Variants in TAFA1 observed in about 807,000 individuals in gnomAD.
The protein encoded by TAFA1 is TAFA chemokine like family member 1, also known as chemokine-like protein TAFA-1.
A neutral mutation model predicts 18.5 loss-of-function variants in TAFA1; 4 were observed. The observed-to-expected ratio is 0.22, with a 90% CI of 0.11 to 0.49. TAFA1 has a LOEUF of 0.49. Among genes scored for constraint, TAFA1 ranks in the 20% least tolerant of loss-of-function variants. The pLI, the probability that TAFA1 is intolerant of heterozygous loss-of-function variation, is 0.98. For synonymous variants in TAFA1, 56 were observed against 55.2 expected, an observed-to-expected ratio of 1.01 and a Z score of -0.06; for missense variants, 147 against 169.0, an observed-to-expected ratio of 0.87 and a Z score of 0.72.
intron 2 of TAFA1, among the ~76,000 whole-genome samples, chr3:68,268,191 A>G (rs2067585557): frequency 6.6e-6 from 1 of 152,172 alleles, no homozygotes; most frequent in Non-Finnish European, 1.5e-5. Flanking sequence ...AGTCCTCCTT[A>G]TTCTGAAAGG....
chr3:68,414,371 G>A (rs922721278), intron 2 of TAFA1, among the ~76,000 whole-genome samples: 8 of 152,070 alleles, frequency 5.3e-5, no homozygotes, highest in South Asian at 4.1e-4. Flanking sequence ...GGGGCGGCTC[G>A]GATATTTAAC....
chr3:68,367,388 A>C (rs1158689457), intron 2 of TAFA1, among the ~76,000 whole-genome samples: 1 of 152,192 alleles, frequency 6.6e-6, no homozygotes, highest in East Asian at 1.9e-4. Flanking sequence ...TGCAGTGGTG[A>C]GATTTAATGG....
At chr3:68,017,618 C>A (rs1443485281) in intron 2 of TAFA1, among the ~76,000 whole-genome samples, 1 of 152,074 alleles carries the variant, frequency 6.6e-6, no homozygotes, top group Admixed American at 6.6e-5. Context: ...AAGTTTTTTT[C>A]ATTAAAAAAG....
chr3:68,437,312 G>T (rs184074536), intron 3 of TAFA1, among the ~76,000 whole-genome samples: 31 of 152,168 alleles, frequency 2.0e-4, no homozygotes, highest in African/African-American at 7.5e-4. Context: ...ATATGTCCAG[G>T]TCTACATAAA....
At position 68,141,134 on chromosome 3, in the gene TAFA1, T is replaced by C. The variant is rs189384031; in HGVS notation, c.118+134390T>C. Among the ~76,000 whole-genome samples the C allele has an allele frequency of 9.0e-4, 137 of 152,282 alleles. 1 individual carries two copies. Among genetic ancestry groups the C allele is most frequent in the African/African-American group, 3.2e-3 (132 of 41,568 alleles). On this transcript the variant is annotated intron_variant, in intron 2 of 4. Coordinates refer to ENST00000478136, the MANE Select transcript of TAFA1 (RefSeq NM_213609.4). ...TCTGGCATTAATAACCTCAGCTCTT[T>C]GGAGTCTAAGAATAACCAAACGGGT... is the stretch of plus-strand genomic sequence containing the variant.
At chr3:68,319,597 C>T (rs1480402185) in intron 2 of TAFA1, among the ~76,000 whole-genome samples, 8 of 152,176 alleles carry the variant, frequency 5.3e-5, no homozygotes, top group East Asian at 1.9e-4. Flanking sequence ...CACATGGATA[C>T]GCATTGCTGT....
intron 2 of TAFA1, among the ~76,000 whole-genome samples, chr3:68,180,231 T>C (rs531401185): frequency 6.6e-6 from 1 of 151,208 alleles, no homozygotes; most frequent in South Asian, 2.1e-4. Flanking sequence ...GTAGAGACAG[T>C]CTTTCACTAT....
chr3:68,002,274 C>A (rs1466166833), upstream of TAFA1, among the ~76,000 whole-genome samples: 1 of 152,178 alleles, frequency 6.6e-6, no homozygotes, highest in Admixed American at 6.5e-5. Flanking sequence ...TCATTACATG[C>A]ATTTAGAATG....
intron 2 of TAFA1, among the ~76,000 whole-genome samples, chr3:68,273,517 A>T (rs2067717995): frequency 6.6e-6 from 1 of 152,248 alleles, no homozygotes; most frequent in Non-Finnish European, 1.5e-5. Context: ...CTTGGGTTTG[A>T]CAAGCTAAGC....
chr3:68,231,489 T>C (rs2066871386), intron 2 of TAFA1, among the ~76,000 whole-genome samples: 1 of 149,824 alleles, frequency 6.7e-6, no homozygotes, highest in Non-Finnish European at 1.5e-5. Context: ...GCCTCCCAAG[T>C]AGCTGGGACT....
chr3:68,160,543 A>G (rs961113779), intron 2 of TAFA1, among the ~76,000 whole-genome samples: 4 of 152,208 alleles, frequency 2.6e-5, no homozygotes, highest in African/African-American at 7.2e-5. Context: ...TAATCTCCCT[A>G]TTCATCAGTT....
intron 2 of TAFA1, among the ~76,000 whole-genome samples, chr3:68,385,059 C>A (rs982282010): frequency 1.3e-5 from 2 of 151,890 alleles, no homozygotes; most frequent in African/African-American, 4.8e-5. Context: ...CTATGCATGT[C>A]CTGCTTCTAT....
intron 2 of TAFA1, among the ~76,000 whole-genome samples, chr3:68,208,796 G>A (rs761584334): frequency 6.6e-6 from 1 of 151,936 alleles, no homozygotes; most frequent in Non-Finnish European, 1.5e-5. Context: ...TGTATGCTTG[G>A]GTGGTAGGCA....
intron 2 of TAFA1, among the ~76,000 whole-genome samples, chr3:68,202,277 A>G (rs2066477719): frequency 6.6e-6 from 1 of 151,650 alleles, no homozygotes; most frequent in Non-Finnish European, 1.5e-5. Context: ...TGTAAACAAC[A>G]TCTAGTTGGG....
intron 2 of TAFA1, among the ~76,000 whole-genome samples, chr3:68,409,185 C>T (rs1030311850): frequency 2.0e-5 from 3 of 152,138 alleles, no homozygotes; most frequent in African/African-American, 7.2e-5. Context: ...TGAAGCAATT[C>T]TCTCTATTCC....
At chr3:68,329,397 A>AT (rs1409295614) in intron 2 of TAFA1, among the ~76,000 whole-genome samples, 1 of 151,668 alleles carries the variant, frequency 6.6e-6, no homozygotes, top group African/African-American at 2.4e-5. Context: ...TAAATGTATC[A>AT]TTTTGGTGCC....
At chr3:68,307,555 G>A (rs1316397794) in intron 2 of TAFA1, among the ~76,000 whole-genome samples, 3 of 152,022 alleles carry the variant, frequency 2.0e-5, no homozygotes, top group African/African-American at 7.2e-5. Context: ...CTGTATATAT[G>A]GCTTTGTCCA....
At chr3:68,055,301 T>C (rs1340159140) in intron 2 of TAFA1, among the ~76,000 whole-genome samples, 1 of 152,112 alleles carries the variant, frequency 6.6e-6, no homozygotes. Context: ...TGTGTGTATG[T>C]ATGCGGGGGG....
chr3:68,420,923 T>C (rs1453896467), intron 3 of TAFA1, among the ~76,000 whole-genome samples: 1 of 152,186 alleles, frequency 6.6e-6, no homozygotes, highest in Non-Finnish European at 1.5e-5. Flanking sequence ...AAGAAACTCT[T>C]GGCCCTAGAA....
Sources: gnomAD v4.1 joint callset for allele counts (sites outside exome capture counted in the v4.1 genomes callset) on GRCh38, gnomAD v4.1.1 for gene constraint, MANE v1.5 for transcripts, NCBI Gene and HGNC (gene_info 2026-07-23, HGNC 2026-07-21) for gene names.